Variants in CORO2B observed in about 807,000 individuals in gnomAD.
CORO2B encodes coronin 2B, also known as coronin-2B.
A neutral mutation model predicts 58.8 loss-of-function variants in CORO2B; 26 were observed. That is an observed-to-expected ratio of 0.44 (90% CI 0.32 to 0.61). The LOEUF is 0.61. Among genes scored for constraint, CORO2B ranks in the 20% least tolerant of loss-of-function variants. The pLI is 0.04. For missense variants in CORO2B, 460 were observed against 645.1 expected (o/e 0.71, Z 3.11); for synonymous variants, 242 against 253.8 (o/e 0.95, Z 0.44).
At chr15:68,659,009 A>G (rs1478918933) in intron 2 of CORO2B, among the ~76,000 whole-genome samples, 1 of 152,198 alleles carries the variant, frequency 6.6e-6, no homozygotes, top group Non-Finnish European at 1.5e-5. Flanking sequence ...AACTCTACCC[A>G]CTTAGAATAA....
chr15:68,561,792 G>A, the CORO2B span, among the ~76,000 whole-genome samples: 64 of 152,310 alleles, frequency 4.2e-4, no homozygotes, highest in African/African-American at 1.4e-3. Context: ...GCATGTTTCC[G>A]TGGGTCTGAG....
chr15:68,715,203 T>C lies in CORO2B; in HGVS notation c.871-12T>C, dbSNP rs1893004476. ...CTGCCACCTTCCTCAACTCCATCTC[T>C]CCTGACCCCAGGGTGATGGAAACAT... On this transcript the variant is annotated splice_polypyrimidine_tract_variant and intron_variant, in intron 7 of 11. Coordinates refer to ENST00000261861, the MANE Select transcript of CORO2B (RefSeq NM_006091.5). 2 of 1,612,456 alleles carry C rather than the reference T, an allele frequency of 1.2e-6. No homozygotes were observed. Among genetic ancestry groups the C allele is most frequent in the African/African-American group, 1.3e-5 (1 of 74,976 alleles).
chr15:68,616,788 C>T (rs1900371633), intron 1 of CORO2B, among the ~76,000 whole-genome samples: 1 of 152,194 alleles, frequency 6.6e-6, no homozygotes. Flanking sequence ...CAGAGGATGG[C>T]ACAGTGTGCC....
intron 7 of CORO2B, among the ~76,000 whole-genome samples, 160 bp from the exon 8 acceptor site, chr15:68,715,055 T>TA (rs1373750709): frequency 9.2e-5 from 14 of 152,266 alleles, no homozygotes; most frequent in African/African-American, 3.1e-4. Flanking sequence ...GTGAGTCCCC[T>TA]GTGGTGCACC....
chr15:68,618,447 T>A (rs1302861959), intron 1 of CORO2B, among the ~76,000 whole-genome samples: 1 of 152,154 alleles, frequency 6.6e-6, no homozygotes, highest in Non-Finnish European at 1.5e-5. Context: ...TGAGTCCAGA[T>A]GTGTGAAAAG....
chr15:68,565,812 GC>G, the CORO2B span, among the ~76,000 whole-genome samples: 3 of 152,208 alleles, frequency 2.0e-5, no homozygotes, highest in East Asian at 5.8e-4. Context: ...ACCTGCTTGG[GC>G]TTTGCTGGAG....
chr15:68,527,305 T>A, the CORO2B span, among the ~76,000 whole-genome samples: 1 of 152,234 alleles, frequency 6.6e-6, no homozygotes, highest in African/African-American at 2.4e-5. Context: ...CTTCTATTTT[T>A]TTTTCCTATC....
At chr15:68,604,841 C>T (rs754512751) in intron 1 of CORO2B, among the ~76,000 whole-genome samples, 6 of 152,150 alleles carry the variant, frequency 3.9e-5, no homozygotes, top group Non-Finnish European at 7.3e-5. Flanking sequence ...TGAGGCTGGG[C>T]ATGGTGGCTC....
intron 2 of CORO2B, among the ~76,000 whole-genome samples, chr15:68,672,839 G>A (rs1902448666): frequency 6.6e-6 from 1 of 152,182 alleles, no homozygotes; most frequent in Non-Finnish European, 1.5e-5. Flanking sequence ...CCCCCACCAA[G>A]TGGCCAGGGA....
At chr15:68,596,427 C>A (rs1899831997) in intron 1 of CORO2B, among the ~76,000 whole-genome samples, 2 of 149,818 alleles carry the variant, frequency 1.3e-5, no homozygotes, top group Admixed American at 1.3e-4. Context: ...CCCATGGGAT[C>A]TAGGGGGATC....
At chr15:68,578,442 C>A (rs1380532595), upstream of CORO2B, among the ~76,000 whole-genome samples, 1 of 152,196 alleles carries the variant, frequency 6.6e-6, no homozygotes, top group African/African-American at 2.4e-5. The surrounding 1 kb of genome is among the most constrained non-coding windows in gnomAD (Gnocchi z 4.2). Context: ...GTCATCGCGG[C>A]GGGAATTAGA....
the CORO2B span, among the ~76,000 whole-genome samples, chr15:68,548,079 G>T: frequency 6.6e-6 from 1 of 152,044 alleles, no homozygotes; most frequent in Non-Finnish European, 1.5e-5. Flanking sequence ...GCTGAGGCAG[G>T]AGAATTGCTG....
chr15:68,574,410 C>G (rs994987361), upstream of CORO2B, among the ~76,000 whole-genome samples: 1 of 152,152 alleles, frequency 6.6e-6, no homozygotes, highest in East Asian at 1.9e-4. Context: ...ACCCACTCAC[C>G]CATGGTCTGG....
intron 2 of CORO2B, among the ~76,000 whole-genome samples, chr15:68,650,948 C>T (rs1333983513): frequency 2.0e-5 from 3 of 152,138 alleles, no homozygotes; most frequent in African/African-American, 7.2e-5. Flanking sequence ...CTTCATCTGC[C>T]TTGAACATCA....
At chr15:68,564,049 C>T in the CORO2B span, among the ~76,000 whole-genome samples, 3 of 152,180 alleles carry the variant, frequency 2.0e-5, no homozygotes, top group African/African-American at 7.2e-5. Context: ...TCCAAACAGA[C>T]ATCACAAGAA....
intron 2 of CORO2B, among the ~76,000 whole-genome samples, chr15:68,666,054 CA>C (rs1902180099): frequency 6.6e-6 from 1 of 152,138 alleles, no homozygotes; most frequent in African/African-American, 2.4e-5. Flanking sequence ...ATTTTCCCCC[CA>C]GCATTTTATT....
At chr15:68,696,524 C>T (rs1892514856) in intron 3 of CORO2B, among the ~76,000 whole-genome samples, 1 of 135,692 alleles carries the variant, frequency 7.4e-6, no homozygotes, top group Admixed American at 8.8e-5. Context: ...AGTCCATGCA[C>T]TCCAGGCTGG....
At chr15:68,713,726 C>T (rs1403671328) in intron 5 of CORO2B, among the ~76,000 whole-genome samples, 199 bp from the exon 6 acceptor site, 3 of 152,212 alleles carry the variant, frequency 2.0e-5, no homozygotes, top group Non-Finnish European at 2.9e-5. Context: ...CATCCAGGAT[C>T]CACCTGGATA....
chr15:68,587,598 C>A (rs535372742), intron 1 of CORO2B, among the ~76,000 whole-genome samples: 1 of 152,224 alleles, frequency 6.6e-6, no homozygotes, highest in African/African-American at 2.4e-5. Context: ...GTGCTAGGCC[C>A]CTGCTTTCAA....
Sources: gnomAD v4.1 joint callset for allele counts (sites outside exome capture counted in the v4.1 genomes callset) on GRCh38, gnomAD v4.1.1 for gene constraint, Gnocchi (gnomAD v3.1) non-coding constraint, MANE v1.5 for transcripts, NCBI Gene and HGNC (gene_info 2026-07-23, HGNC 2026-07-21) for gene names.